EPS15L1: variants seen among roughly 807,000 people sequenced by gnomAD.
EPS15L1 encodes epidermal growth factor receptor pathway substrate 15 like 1, also known as epidermal growth factor receptor substrate 15-like 1.
Under a neutral mutation model 117.1 loss-of-function variants are expected in EPS15L1, and 43 were observed. The ratio of observed to expected loss-of-function variants is 0.37; its 90% confidence interval spans 0.29 to 0.47. The LOEUF (loss-of-function observed/expected upper bound fraction) is 0.47, where lower values mean the gene tolerates loss of function less well. Ranked by LOEUF, EPS15L1 falls within the 20% of genes least tolerant of loss-of-function variation. The pLI is 0.99. For missense variants in EPS15L1, 981 were observed against 1,164.0 expected, an observed-to-expected ratio of 0.84 and a Z score of 2.29; for synonymous variants, 459 against 470.5, an observed-to-expected ratio of 0.98 and a Z score of 0.32.
chr19:16,420,389 T>C (rs1182738501), intron 10 of EPS15L1, among the ~76,000 whole-genome samples: 1 of 152,090 alleles, frequency 6.6e-6, no homozygotes, highest in African/African-American at 2.4e-5. Flanking sequence ...GGTTTCAGAG[T>C]CATAAAGGGG....
chr19:16,448,045 T>C lies in EPS15L1; in HGVS notation c.34-5826A>G, dbSNP rs939028427. Reference sequence around the variant, plus strand: ...AGGGCACTGGAGCAATCGGCATCCATAGGAAAAACATGGGCCTCGAACTAA... The same window carrying C: ...AGGGCACTGGAGCAATCGGCATCCACAGGAAAAACATGGGCCTCGAACTAA... On this transcript the variant is annotated intron_variant, in intron 1 of 23. Transcript: ENST00000455140. Among the ~76,000 whole-genome samples the C allele has an allele frequency of 7.2e-5, 11 of 152,128 alleles. 1 individual carries two copies. The highest frequency in any genetic ancestry group is 6.6e-4 in the Admixed American group (10 of 15,258).
At chr19:16,452,267 G>T (rs540607609) in intron 1 of EPS15L1, among the ~76,000 whole-genome samples, 4 of 152,014 alleles carry the variant, frequency 2.6e-5, no homozygotes, top group African/African-American at 9.6e-5. Context: ...CCAACATGGT[G>T]AAACCCCATC....
intron 13 of EPS15L1, among the ~76,000 whole-genome samples, chr19:16,406,547 C>A (rs2092658548): frequency 6.6e-6 from 1 of 152,180 alleles, no homozygotes; most frequent in Non-Finnish European, 1.5e-5. Context: ...CTAACCCTGG[C>A]CCCATCACCG....
At chr19:16,440,567 A>C (rs1226439600) in intron 4 of EPS15L1, 1 of 209,268 alleles carries the variant, frequency 4.8e-6, no homozygotes, top group African/African-American at 2.3e-5. Flanking sequence ...AACTTCCACG[A>C]GAGACTGGTC....
chr19:16,402,536 A>G (rs1265263622), intron 15 of EPS15L1, 51 bp from the exon 16 acceptor site: 17 of 1,511,554 alleles, frequency 1.1e-5, no homozygotes, highest in Non-Finnish European at 1.4e-5. Flanking sequence ...AAAACATGTC[A>G]GAAAAGACGC....
intron 13 of EPS15L1, among the ~76,000 whole-genome samples, chr19:16,411,893 C>A (rs1214602768): frequency 6.6e-6 from 1 of 151,998 alleles, no homozygotes; most frequent in South Asian, 2.1e-4. Flanking sequence ...GAAACAGGGT[C>A]CCACTGTGTT....
chr19:16,459,213 C>T (rs76619090), intron 1 of EPS15L1, among the ~76,000 whole-genome samples: 1 of 152,204 alleles, frequency 6.6e-6, no homozygotes, highest in African/African-American at 2.4e-5. Context: ...ATGCTTGGGG[C>T]CGCTGCCTGC....
chr19:16,373,103 A>G (rs974530303), intron 22 of EPS15L1, among the ~76,000 whole-genome samples: 1 of 152,190 alleles, frequency 6.6e-6, no homozygotes, highest in African/African-American at 2.4e-5. Context: ...CTTCATTGTG[A>G]TTTCCATGAG....
intron 3 of EPS15L1, chr19:16,441,629 CAA>C (rs369757727): frequency 0.023 from 1,988 of 86,684 alleles, no homozygotes; most frequent in Middle Eastern, 0.048. Context: ...AACTCTGTCT[CAA>C]AAAAAAAAAA....
intron 23 of EPS15L1, among the ~76,000 whole-genome samples, chr19:16,360,512 T>C (rs2092036867): frequency 6.6e-6 from 1 of 150,864 alleles, no homozygotes; most frequent in Non-Finnish European, 1.5e-5. Flanking sequence ...TACTTCAAGG[T>C]GGGAGGATCG....
chr19:16,454,310 G>A (rs1462633935), intron 1 of EPS15L1, among the ~76,000 whole-genome samples: 3 of 152,162 alleles, frequency 2.0e-5, no homozygotes, highest in Admixed American at 2.0e-4. Flanking sequence ...TGAGAAGGGG[G>A]CAATCTAGCA....
chr19:16,360,240 GT>G (rs763346139), intron 23 of EPS15L1, among the ~76,000 whole-genome samples: 1 of 151,690 alleles, frequency 6.6e-6, no homozygotes, highest in Admixed American at 6.6e-5. Context: ...GAAGAGTTCT[GT>G]TTTTTTTAAA....
intron 22 of EPS15L1, among the ~76,000 whole-genome samples, chr19:16,367,250 C>T (rs1298612742): frequency 2.0e-5 from 3 of 151,462 alleles, no homozygotes; most frequent in Non-Finnish European, 4.4e-5. Context: ...CTACCGGGGA[C>T]CACAGCAGAC....
chr19:16,414,431 C>T (rs1040903423), intron 12 of EPS15L1, among the ~76,000 whole-genome samples: 1 of 151,830 alleles, frequency 6.6e-6, no homozygotes, highest in African/African-American at 2.4e-5. Context: ...GACAGAGTCT[C>T]GCTCTGTCAC....
intron 23 of EPS15L1, among the ~76,000 whole-genome samples, 185 bp from the exon 24 acceptor site, chr19:16,356,036 C>A (rs76169759): frequency 6.6e-6 from 1 of 152,250 alleles, no homozygotes. Flanking sequence ...TCAGGCCCCC[C>A]ATCTGGAAAG....
intron 13 of EPS15L1, among the ~76,000 whole-genome samples, chr19:16,412,454 C>T (rs377065517): frequency 1.6e-4 from 25 of 151,544 alleles, no homozygotes; most frequent in African/African-American, 6.1e-4. Context: ...GAGCTGAGAT[C>T]GTGCCACTGC....
At chr19:16,435,513 C>G (rs1324722375) in intron 6 of EPS15L1, among the ~76,000 whole-genome samples, 2 of 152,154 alleles carry the variant, frequency 1.3e-5, no homozygotes, top group African/African-American at 4.8e-5. Flanking sequence ...CATGATGTGT[C>G]TTTCAACCAC....
At chr19:16,372,497 G>T (rs1043286258) in intron 22 of EPS15L1, among the ~76,000 whole-genome samples, 2 of 152,224 alleles carry the variant, frequency 1.3e-5, no homozygotes, top group Non-Finnish European at 2.9e-5. Flanking sequence ...GGACGCTGGA[G>T]CCCTCTTTGA....
At chr19:16,426,220 G>A (rs185373367) in intron 8 of EPS15L1, among the ~76,000 whole-genome samples, 8 of 152,358 alleles carry the variant, frequency 5.3e-5, no homozygotes, top group Middle Eastern at 3.4e-3. Flanking sequence ...CATGTGGGGC[G>A]GGTGTGACCT....
Sources: allele counts gnomAD v4.1 joint callset (sites outside exome capture counted in the v4.1 genomes callset), GRCh38; gene constraint gnomAD v4.1.1; transcripts MANE v1.5; gene names NCBI Gene and HGNC (gene_info 2026-07-23, HGNC 2026-07-21).